The following ETNPPL variants were observed in gnomAD, a reference collection of about 807,000 sequenced individuals.
The protein encoded by ETNPPL is ethanolamine-phosphate phospho-lyase.
Under a neutral mutation model 55.5 loss-of-function variants are expected in ETNPPL, and 30 were observed. The ratio of observed to expected loss-of-function variants is 0.54; its 90% CI spans 0.40 to 0.73. ETNPPL has a LOEUF of 0.73. ETNPPL is among the 30% of genes least tolerant of loss of function. ETNPPL has a pLI of 0.00. For synonymous variants in ETNPPL, 202 were observed against 207.2 expected (o/e 0.98, Z 0.21); for missense variants, 528 against 607.9 (o/e 0.87, Z 1.38).
At chr4:108,753,723 C>G (rs1474931064) in intron 5 of ETNPPL, among the ~76,000 whole-genome samples, 1 of 125,404 alleles carries the variant, frequency 8.0e-6, no homozygotes, top group South Asian at 2.6e-4. Context: ...GCCTAGGTAG[C>G]AAAATGAGAC....
chr4:108,745,330 C>T (rs1285796597), intron 11 of ETNPPL, among the ~76,000 whole-genome samples: 1 of 152,068 alleles, frequency 6.6e-6, no homozygotes, highest in Non-Finnish European at 1.5e-5. Flanking sequence ...GGTGCAGTGG[C>T]TCATGCATGT....
chr4:108,745,036 T>A (rs530137064), intron 11 of ETNPPL, among the ~76,000 whole-genome samples: 2 of 152,302 alleles, frequency 1.3e-5, no homozygotes, highest in South Asian at 4.1e-4. Flanking sequence ...CTGGCCTGAA[T>A]TGTAAAAATA....
chr4:108,746,461 G>C lies in ETNPPL; in HGVS notation c.1241C>G (p.Pro414Arg), dbSNP rs1326843803. 1 of 1,613,680 alleles carries C rather than the reference G, an allele frequency of 6.2e-7. No individual in the cohort carries two copies. The highest frequency in any genetic ancestry group is 8.5e-7 in the Non-Finnish European group (1 of 1,179,912). ...TGCATCTTCTTCAGTGAAGCACATA[G>C]GTGGTTTTATTTTAAGTACATTTCT... ...PHRNVLKIKP[P>R]MCFTEEDAKF... The change falls in exon 11 of 13, where the codon CCT (proline) becomes CGT (arginine). Residue 414 changes from proline (P) to arginine (R), a missense_variant. By Grantham distance (103) the Pro-to-Arg change is moderately radical (BLOSUM62 -2). Transcript: ENST00000296486.
chr4:108,757,618 A>C (rs1473594953), intron 3 of ETNPPL, among the ~76,000 whole-genome samples: 3 of 152,184 alleles, frequency 2.0e-5, no homozygotes, highest in Non-Finnish European at 4.4e-5. Context: ...AAAAATAATA[A>C]AGTAATTTTT....
rs138835919 is a variant in ETNPPL, at chr4:108,749,319, G to A, written c.846C>T (p.Asn282=). Residue 282 remains asparagine (N), a synonymous_variant, in exon 8 of 13, where the codon AAC becomes AAT. Transcript: ENST00000296486. ...TTACCACACATGCCACCGGGTGGCCGTTGCCCATCGGTTTTCCCATTGTGA... is the reference window on the plus strand; with the variant it reads ...TTACCACACATGCCACCGGGTGGCCATTGCCCATCGGTTTTCCCATTGTGA... The part of the protein sequence containing the change: ...DIVTMGKPMG[N]GHPVACVVTT... The A allele has an allele frequency of 3.2e-5, 52 of 1,613,908 alleles. No individual in the cohort carries two copies. Among genetic ancestry groups the A allele is most frequent in the Middle Eastern group, 1.6e-4 (1 of 6,084 alleles).
intron 3 of ETNPPL, among the ~76,000 whole-genome samples, chr4:108,756,745 C>T (rs1420130240): frequency 6.6e-6 from 1 of 152,042 alleles, no homozygotes; most frequent in Admixed American, 6.6e-5. Context: ...AGAATTGCTT[C>T]AACCTGGGAG....
intron 1 of ETNPPL, among the ~76,000 whole-genome samples, chr4:108,761,062 C>G (rs527626987): frequency 6.6e-6 from 1 of 152,104 alleles, no homozygotes; most frequent in African/African-American, 2.4e-5. Context: ...TTCAATTATT[C>G]TTCTAAGCAT....
chr4:108,744,603 C>G (rs1183986778), intron 11 of ETNPPL, among the ~76,000 whole-genome samples: 1 of 151,974 alleles, frequency 6.6e-6, no homozygotes, highest in African/African-American at 2.4e-5. Flanking sequence ...TATGTGGACT[C>G]TCAAGTTTCC....
intron 11 of ETNPPL, among the ~76,000 whole-genome samples, chr4:108,744,892 G>A (rs972237100): frequency 1.3e-5 from 2 of 151,718 alleles, no homozygotes; most frequent in Non-Finnish European, 2.9e-5. Context: ...GCTAATTTTT[G>A]TATTTTATTT....
rs1160625719 is a variant in ETNPPL, at chr4:108,749,287, T to C, written c.878A>G (p.Lys293Arg). 6.2e-7 allele frequency: 1 copy of C among 1,614,156 alleles called. No individual in the cohort carries two copies. Among genetic ancestry groups the C allele is most frequent in the Non-Finnish European group, 8.5e-7 (1 of 1,180,032 alleles). The change falls in exon 8 of 13, where the codon AAA becomes AGA. Residue 293 changes from lysine (K) to arginine (R), a missense_variant. Lys to Arg is a conservative substitution (Grantham distance 26). Coordinates refer to ENST00000296486, the MANE Select transcript of ETNPPL (RefSeq NM_031279.4). ...GCTGCTGAAGGCTTCTGCAATTTCTTTGGTTGTTACCACACATGCCACCGG... is the reference window on the plus strand; with the variant it reads ...GCTGCTGAAGGCTTCTGCAATTTCTCTGGTTGTTACCACACATGCCACCGG... ...GHPVACVVTT[K>R]EIAEAFSSSG...
chr4:108,745,334 T>C (rs1429056263), intron 11 of ETNPPL, among the ~76,000 whole-genome samples: 1 of 152,112 alleles, frequency 6.6e-6, no homozygotes. Context: ...CAGTGGCTCA[T>C]GCATGTAATC....
Position 108,762,922 on chromosome 4 carries a change from G to T in ETNPPL, c.-24C>A, listed in dbSNP as rs558031251. 18 of 1,612,438 alleles carry T rather than the reference G, an allele frequency of 1.1e-5. No individual in the cohort carries two copies. Among genetic ancestry groups the T allele is most frequent in the African/African-American group, 8.0e-5 (6 of 75,018 alleles). On this transcript the variant is annotated 5_prime_UTR_variant, in exon 1 of 13. Transcript: ENST00000296486. ...ATGGTGGCGGGGTGCAGGGCGCTGCGAAGGTGCAAGGTGCAAGGTCTGCGC... is the reference window on the plus strand; with the variant it reads ...ATGGTGGCGGGGTGCAGGGCGCTGCTAAGGTGCAAGGTGCAAGGTCTGCGC...
intron 3 of ETNPPL, among the ~76,000 whole-genome samples, chr4:108,758,625 T>C (rs1043945158): frequency 1.3e-5 from 2 of 152,104 alleles, no homozygotes; most frequent in Non-Finnish European, 1.5e-5. Flanking sequence ...AGTTAAAAAG[T>C]TGAGGCAGCC....
chr4:108,748,819 T>C (rs1248448956), intron 8 of ETNPPL, among the ~76,000 whole-genome samples: 1 of 152,094 alleles, frequency 6.6e-6, no homozygotes, highest in Non-Finnish European at 1.5e-5. Context: ...AGGGCAACCA[T>C]CTATCATTGG....
At chr4:108,755,859 G>A (rs1258463540) in intron 4 of ETNPPL, among the ~76,000 whole-genome samples, 2 of 149,312 alleles carry the variant, frequency 1.3e-5, no homozygotes, top group Admixed American at 6.6e-5. Flanking sequence ...AATAAAGATG[G>A]AAGTTGCCAG....
At position 108,750,936 on chromosome 4, in the gene ETNPPL, T is replaced by A; in HGVS notation, c.701A>T (p.Glu234Val). The A allele has an allele frequency of 6.2e-7, 1 of 1,611,808 alleles. No individual in the cohort carries two copies. Among genetic ancestry groups the A allele is most frequent in the Non-Finnish European group, 8.5e-7 (1 of 1,178,130 alleles). ...AAGGAGGCCCAAGTCAAGTACATAC[T>A]CTGCCACTTTCTGGAAGTAGCCTGC... The part of the protein sequence containing the change: ...PPAGYFQKVA[E>V]YVHGAGGVFI... Residue 234 changes from glutamate (E) to valine (V), a missense_variant and splice_region_variant, in exon 7 of 13, where the codon GAA becomes GTA. Transcript: ENST00000296486.
At chr4:108,760,397 C>A (rs1729459272) in intron 1 of ETNPPL, 91 bp from the exon 2 acceptor site, 1 of 620,302 alleles carries the variant, frequency 1.6e-6, no homozygotes, top group Non-Finnish European at 2.8e-6. Flanking sequence ...TGGAAAAGTA[C>A]AGTTACATAA....
chr4:108,760,299 A>C lies in ETNPPL; in HGVS notation c.64T>G (p.Cys22Gly). ...GLRKKHIGPS[C>G]KVFFASDPIK... ...GGATCCGATGCAAAGAAAACTTTGC[A>C]TGAGGGCCTAGAAATAATCAAAGGA... Residue 22 changes from cysteine (C) to glycine (G), a missense_variant, in exon 2 of 13, where the codon TGC (cysteine) becomes GGC (glycine). Coordinates refer to ENST00000296486, the MANE Select transcript of ETNPPL (RefSeq NM_031279.4). 1.3e-6 allele frequency: 2 copies of C among 1,584,248 alleles called. No individual in the cohort carries two copies. Among genetic ancestry groups the C allele is most frequent in the East Asian group, 2.2e-5 (1 of 44,698 alleles).
chr4:108,756,356 G>C, intron 4 of ETNPPL, 62 bp downstream of exon 4: 1 of 1,104,890 alleles, frequency 9.1e-7, no homozygotes, highest in Non-Finnish European at 1.4e-6. Flanking sequence ...GTATGGATAG[G>C]ATCAATACAA....
Sources: gnomAD v4.1 joint callset for allele counts (sites outside exome capture counted in the v4.1 genomes callset) on GRCh38, gnomAD v4.1.1 for gene constraint, MANE v1.5 for transcripts, NCBI Gene and HGNC (gene_info 2026-07-23, HGNC 2026-07-21) for gene names.